Variants in AUTS2 observed in about 807,000 individuals in gnomAD.
AUTS2 encodes autism susceptibility gene 2 protein.
Under a neutral mutation model 112.4 loss-of-function variants are expected in AUTS2, and 17 were observed. The observed-to-expected ratio is 0.15, with a 90% CI of 0.10 to 0.23. AUTS2 has a LOEUF of 0.23. Among genes scored for constraint, AUTS2 ranks in the 10% least tolerant of loss-of-function variants. The probability of loss-of-function intolerance (pLI) is 1.00; values close to 1 mark genes in which losing one functional copy is unlikely to be tolerated. For synonymous variants in AUTS2, 751 were observed against 702.7 expected, an observed-to-expected ratio of 1.07 and a Z score of -1.09; for missense variants, 1,510 against 1,701.6, an observed-to-expected ratio of 0.89 and a Z score of 1.98.
intron 2 of AUTS2, among the ~76,000 whole-genome samples, chr7:69,914,435 C>T (rs1212876224): frequency 6.6e-6 from 1 of 151,378 alleles, no homozygotes; most frequent in Non-Finnish European, 1.5e-5. Flanking sequence ...GTTGTCTTCT[C>T]TCTCTGGGGA....
intron 1 of AUTS2, among the ~76,000 whole-genome samples, chr7:69,741,510 G>C (rs1200197160): frequency 6.6e-6 from 1 of 152,104 alleles, no homozygotes. Flanking sequence ...TTCGAGACCA[G>C]CCTGGGCAAT....
intron 2 of AUTS2, among the ~76,000 whole-genome samples, chr7:70,001,710 AT>A (rs35638538): frequency 0.11 from 14,280 of 132,702 alleles, 499 homozygotes; most frequent in Non-Finnish European, 0.11. Flanking sequence ...TCATTGTCAT[AT>A]TTTTTTTTTT....
chr7:70,600,601 A>G (rs1803428296), intron 5 of AUTS2, among the ~76,000 whole-genome samples: 1 of 152,122 alleles, frequency 6.6e-6, no homozygotes, highest in Non-Finnish European at 1.5e-5. Context: ...TAGTATATTT[A>G]TAACCTGTTT....
At chr7:70,389,652 A>G (rs931102628) in intron 4 of AUTS2, among the ~76,000 whole-genome samples, 1 of 151,932 alleles carries the variant, frequency 6.6e-6, no homozygotes, top group African/African-American at 2.4e-5. Flanking sequence ...GAAACATTTT[A>G]TGTGCCATGT....
intron 4 of AUTS2, among the ~76,000 whole-genome samples, chr7:70,138,478 A>G (rs1006193009): frequency 3.9e-5 from 6 of 152,186 alleles, no homozygotes; most frequent in East Asian, 1.9e-4. Context: ...TCCAAGTGAC[A>G]TGTTCTGCCT....
At position 70,631,726 on chromosome 7, in the gene AUTS2, G is replaced by A. The variant is rs1805272165; in HGVS notation, c.691-66843G>A. Among the ~76,000 whole-genome samples, 1 of 152,118 alleles carries A rather than the reference G, an allele frequency of 6.6e-6. No individual in the cohort carries two copies. The highest frequency in any genetic ancestry group is 1.5e-5 in the Non-Finnish European group (1 of 68,026). ...ATGTCCCCAACCTTAGCCTTTGCAC[G>A]GTTGGCTGGGCCACAGCAAGGGGCT... On this transcript the variant is annotated intron_variant, in intron 5 of 18. Transcript: ENST00000342771. This position sits in a 1 kb window ranked among gnomAD's most constrained non-coding sequence, Gnocchi z 4.5.
intron 1 of AUTS2, among the ~76,000 whole-genome samples, chr7:69,724,311 A>G (rs1786395121): frequency 1.3e-5 from 2 of 152,212 alleles, no homozygotes; most frequent in Admixed American, 6.5e-5. Flanking sequence ...TGAGGAAAGG[A>G]GAGCAACCTG....
chr7:70,330,683 G>C (rs1319600022), intron 4 of AUTS2, among the ~76,000 whole-genome samples: 1 of 152,226 alleles, frequency 6.6e-6, no homozygotes, highest in African/African-American at 2.4e-5. Context: ...AATTTTGATA[G>C]AGATTGCATT....
intron 5 of AUTS2, among the ~76,000 whole-genome samples, chr7:70,588,429 G>A (rs1802782741): frequency 6.6e-6 from 1 of 152,212 alleles, no homozygotes; most frequent in Non-Finnish European, 1.5e-5. Flanking sequence ...GGGGAAGAGA[G>A]AGGGGCAGGA....
At chr7:69,600,293 CCCA>C (rs1300818527) in intron 1 of AUTS2, among the ~76,000 whole-genome samples, 1 of 152,064 alleles carries the variant, frequency 6.6e-6, no homozygotes, top group Non-Finnish European at 1.5e-5. Flanking sequence ...GAGCTCTGCC[CCCA>C]CTCCTTCCTC....
intron 1 of AUTS2, among the ~76,000 whole-genome samples, chr7:69,702,546 G>A (rs1180513953): frequency 6.6e-6 from 1 of 152,168 alleles, no homozygotes; most frequent in Non-Finnish European, 1.5e-5. Flanking sequence ...GTGTGTGTGA[G>A]CTTTCATCAT....
intron 1 of AUTS2, among the ~76,000 whole-genome samples, chr7:69,891,091 C>T (rs147933099): frequency 2.0e-5 from 3 of 152,260 alleles, no homozygotes; most frequent in Middle Eastern, 3.4e-3. Flanking sequence ...ATCAAGACAG[C>T]GAACATGTTC....
intron 1 of AUTS2, among the ~76,000 whole-genome samples, chr7:69,809,710 A>C (rs1201505568): frequency 6.6e-6 from 1 of 152,202 alleles, no homozygotes; most frequent in Non-Finnish European, 1.5e-5. Flanking sequence ...CCCAGAGTCC[A>C]TGATCACATA....
intron 2 of AUTS2, among the ~76,000 whole-genome samples, chr7:70,070,173 A>G (rs1802688204): frequency 6.6e-6 from 1 of 152,132 alleles, no homozygotes; most frequent in Non-Finnish European, 1.5e-5. Flanking sequence ...TGTGCCTAAA[A>G]GAGAGAGAGG....
At chr7:70,404,217 TAAG>T (rs1024565109) in intron 4 of AUTS2, among the ~76,000 whole-genome samples, 1 of 152,180 alleles carries the variant, frequency 6.6e-6, no homozygotes, top group Non-Finnish European at 1.5e-5. Context: ...AAGCATGAGT[TAAG>T]AGATCTATCT....
At chr7:69,802,516 A>G (rs1399954364) in intron 1 of AUTS2, among the ~76,000 whole-genome samples, 1 of 152,094 alleles carries the variant, frequency 6.6e-6, no homozygotes, top group African/African-American at 2.4e-5. Context: ...TGTAACACTA[A>G]CTGTGAACTC....
intron 5 of AUTS2, among the ~76,000 whole-genome samples, chr7:70,539,107 T>A (rs981868827): frequency 6.6e-6 from 1 of 152,202 alleles, no homozygotes; most frequent in African/African-American, 2.4e-5. Context: ...CCCCTGATGC[T>A]TTGGGCTGGG....
intron 4 of AUTS2, among the ~76,000 whole-genome samples, chr7:70,212,023 T>G (rs1246375971): frequency 1.3e-5 from 2 of 152,078 alleles, no homozygotes; most frequent in Admixed American, 1.3e-4. Context: ...GAGAACAAAT[T>G]GAGTAGACTT....
At chr7:70,739,141 T>C (rs1787954201) in intron 6 of AUTS2, among the ~76,000 whole-genome samples, 1 of 149,400 alleles carries the variant, frequency 6.7e-6, no homozygotes, top group South Asian at 2.2e-4. Flanking sequence ...ATCCTCCTGC[T>C]TCAGCCTCCT....
Sources: allele counts gnomAD v4.1 joint callset (sites outside exome capture counted in the v4.1 genomes callset), GRCh38; gene constraint gnomAD v4.1.1; non-coding constraint Gnocchi (gnomAD v3.1); transcripts MANE v1.5; gene names NCBI Gene and HGNC (gene_info 2026-07-23, HGNC 2026-07-21).